GPAM: variants seen among roughly 807,000 people sequenced by gnomAD.
The protein encoded by GPAM is glycerol-3-phosphate acyltransferase, mitochondrial.
Under a neutral mutation model 105.0 loss-of-function variants are expected in GPAM, and 56 were observed. That is an observed-to-expected ratio of 0.53 (90% CI 0.43 to 0.67). The LOEUF (loss-of-function observed/expected upper bound fraction) is 0.67. Ranked by LOEUF, GPAM falls within the 30% of genes least tolerant of loss-of-function variation. The pLI, the probability that GPAM is intolerant of heterozygous loss-of-function variation, is 0.00. For synonymous variants in GPAM, 368 were observed against 354.4 expected (o/e 1.04, Z -0.43); for missense variants, 855 against 989.8 (o/e 0.86, Z 1.83).
rs545060416 is a variant in GPAM at position 112,159,603 on chromosome 10, C to A, written c.1902+308G>T. 4.1e-4 allele frequency among the ~76,000 whole-genome samples: 62 copies of A among 152,268 alleles called. 1 individual carries two copies. The South Asian group carries it at 0.013, about 32-fold the overall frequency. ...TACAGGTGGGTGTGTTAATTATTTA[C>A]AAACCACTGACCCAGTGCCTCACAC... On this transcript the variant is annotated intron_variant, in intron 17 of 21. Transcript: ENST00000348367.
At chr10:112,155,547 C>A in intron 20 of GPAM, 1 of 304,646 alleles carries the variant, frequency 3.3e-6, no homozygotes, top group Non-Finnish European at 6.2e-6. Context: ...GAAAACAACC[C>A]AAATATCCAT....
At chr10:112,186,611 A>C (rs1318613685), upstream of GPAM, among the ~76,000 whole-genome samples, 1 of 151,898 alleles carries the variant, frequency 6.6e-6, no homozygotes, top group Non-Finnish European at 1.5e-5. Context: ...CAGTGGCGTG[A>C]TCTCAGCTCA....
In GPAM at chr10:112,149,875, T is replaced by G; in HGVS notation, c.*3675A>C. ...CAAACACATCAAGAGTATGTTCAAT[T>G]TTTGGTTTATTAAAACAAAACTACA... On this transcript the variant is annotated 3_prime_UTR_variant, in exon 22 of 22. Transcript: ENST00000348367. The G allele has an allele frequency of 3.1e-6, 3 of 966,632 alleles. No homozygotes were observed. The highest frequency in any genetic ancestry group is 3.7e-6 in the Non-Finnish European group (3 of 812,438). 59.9% of individuals were successfully genotyped at this position (966,632 alleles called of 1,614,324 possible).
chr10:112,156,957 G>C, intron 19 of GPAM: 1 of 563,104 alleles, frequency 1.8e-6, no homozygotes, highest in Non-Finnish European at 3.2e-6. Flanking sequence ...TGCCTCATGA[G>C]GGGTGCAGGT....
the GPAM span, among the ~76,000 whole-genome samples, chr10:112,220,699 T>C: frequency 1.3e-5 from 2 of 152,162 alleles, no homozygotes; most frequent in South Asian, 4.1e-4. Flanking sequence ...GAGTATTTTT[T>C]CTCTGGGATG....
At chr10:112,208,125 A>G (rs577760264) in intron 1 of GPAM, among the ~76,000 whole-genome samples, 1 of 152,272 alleles carries the variant, frequency 6.6e-6, no homozygotes, top group African/African-American at 2.4e-5. Flanking sequence ...GACTTCATTT[A>G]ATCACAGCAG....
At chr10:112,158,027 C>A (rs1400939240) in intron 18 of GPAM, among the ~76,000 whole-genome samples, 1 of 152,220 alleles carries the variant, frequency 6.6e-6, no homozygotes, top group Non-Finnish European at 1.5e-5. Flanking sequence ...GAAACCTCCA[C>A]CACTCCGATT....
rs1261438880 is a variant in GPAM at position 112,158,170 on chromosome 10, A to T, written c.1980+146T>A. The T allele has an allele frequency of 4.2e-6, 3 of 721,964 alleles. No homozygotes were observed. The African/African-American group carries it at 5.2e-5, about 13-fold the overall frequency. 44.7% of individuals were successfully genotyped at this position (721,964 alleles called of 1,614,324 possible). On this transcript the variant is annotated intron_variant, in intron 18 of 21. Coordinates refer to ENST00000348367, the MANE Select transcript of GPAM (RefSeq NM_001244949.2). ...GCTCTCGTACTCCTGACCTCAGGTG[A>T]TCCACCCGCCTTCACCTCCCAAAGT...
chr10:112,157,159 G>A, intron 19 of GPAM, 90 bp downstream of exon 19: 2 of 1,131,698 alleles, frequency 1.8e-6, no homozygotes, highest in South Asian at 1.2e-5. Context: ...CTTTAGATAA[G>A]AAGACATCAC....
At chr10:112,172,481 G>C (rs754926123) in intron 8 of GPAM, among the ~76,000 whole-genome samples, 163 bp from the exon 9 acceptor site, 1 of 152,142 alleles carries the variant, frequency 6.6e-6, no homozygotes, top group Non-Finnish European at 1.5e-5. Context: ...AATACTTTCT[G>C]AGCTAAAAAG....
intron 1 of GPAM, among the ~76,000 whole-genome samples, chr10:112,210,135 C>A (rs1045414767): frequency 6.6e-6 from 1 of 152,230 alleles, no homozygotes; most frequent in African/African-American, 2.4e-5. Flanking sequence ...GTGGGAATAG[C>A]AAGGCTGAAG....
At position 112,151,235 on chromosome 10, in the gene GPAM, T is replaced by C. The variant is rs1180739356; in HGVS notation, c.*2315A>G. On this transcript the variant is annotated 3_prime_UTR_variant, in exon 22 of 22. Transcript: ENST00000348367. Reference sequence around the variant, plus strand: ...CAAGCACCTAGTTTGTTTAACCTTATGTGGAAGCCATCACTGTTGGAAAAC... The same window carrying C: ...CAAGCACCTAGTTTGTTTAACCTTACGTGGAAGCCATCACTGTTGGAAAAC... 1 of 985,580 alleles carries C rather than the reference T, an allele frequency of 1.0e-6. No individual in the cohort carries two copies. The highest frequency in any genetic ancestry group is 1.2e-6 in the Non-Finnish European group (1 of 829,790). 61.1% of individuals were successfully genotyped at this position (985,580 alleles called of 1,614,324 possible). A position where few individuals can be genotyped will look rare whatever the true frequency, so the allele number is the denominator to read the frequency against.
chr10:112,214,639 T>A (rs1303033557), intron 1 of GPAM, among the ~76,000 whole-genome samples: 1 of 152,202 alleles, frequency 6.6e-6, no homozygotes, highest in Non-Finnish European at 1.5e-5. Flanking sequence ...AAAGTGGGAA[T>A]CAAACTTTCA....
chr10:112,203,015 G>T (rs1460360131), intron 1 of GPAM, among the ~76,000 whole-genome samples: 1 of 152,186 alleles, frequency 6.6e-6, no homozygotes, highest in Admixed American at 6.5e-5. Context: ...ATGGACAAAG[G>T]AGGTAGTTTC....
rs377593757 is a variant in GPAM at position 112,150,252 on chromosome 10, A to G, written c.*3298T>C. ...CAACGATAGGTCCTGTCATGTCTAA[A>G]CACTACAACTATCTGTGGATAAAAA... On this transcript the variant is annotated 3_prime_UTR_variant, in exon 22 of 22. Transcript: ENST00000348367. 125 of 984,390 alleles carry G rather than the reference A, an allele frequency of 1.3e-4. 1 individual carries two copies. In the Middle Eastern group the frequency reaches 4.7e-3, roughly 37 times the overall value. 61.0% of individuals were successfully genotyped at this position (984,390 alleles called of 1,614,324 possible).
chr10:112,176,772 G>A (rs557211124), intron 5 of GPAM, among the ~76,000 whole-genome samples: 1 of 152,368 alleles, frequency 6.6e-6, no homozygotes, highest in East Asian at 1.9e-4. Flanking sequence ...GTGCATGAGT[G>A]TGACAGTGAC....
At chr10:112,199,088 AAT>A (rs781272252) in intron 1 of GPAM, among the ~76,000 whole-genome samples, 3 of 88,948 alleles carry the variant, frequency 3.4e-5, no homozygotes, top group Admixed American at 1.3e-4. Flanking sequence ...ACGCCTGGCT[AAT>A]GTGTGTGTGT....
chr10:112,164,258 A>C (rs1847174800), intron 13 of GPAM, among the ~76,000 whole-genome samples: 1 of 152,202 alleles, frequency 6.6e-6, no homozygotes, highest in African/African-American at 2.4e-5. Context: ...ACTACCAAAA[A>C]AACTCAGTTC....
intron 6 of GPAM, among the ~76,000 whole-genome samples, chr10:112,174,779 C>T (rs1042200315): frequency 2.0e-5 from 3 of 152,320 alleles, no homozygotes; most frequent in South Asian, 2.1e-4. Context: ...TGTTTCTACA[C>T]GTCATTACCA....
Sources: allele counts gnomAD v4.1 joint callset (sites outside exome capture counted in the v4.1 genomes callset), GRCh38; gene constraint gnomAD v4.1.1; transcripts MANE v1.5; gene names NCBI Gene and HGNC (gene_info 2026-07-23, HGNC 2026-07-21).